The following WDR1 variants were observed in gnomAD, a reference collection of about 807,000 sequenced individuals.
The protein encoded by WDR1 is WD repeat-containing protein 1.
Under a neutral mutation model 71.9 loss-of-function variants are expected in WDR1, and 21 were observed. The ratio of observed to expected loss-of-function variants is 0.29; its 90% confidence interval spans 0.21 to 0.42. WDR1 has a LOEUF of 0.42. Among genes scored for constraint, WDR1 ranks in the 10% least tolerant of loss-of-function variants. WDR1 has a pLI of 1.00. For missense variants in WDR1, 696 were observed against 824.5 expected, an observed-to-expected ratio of 0.84 and a Z score of 1.91; for synonymous variants, 424 against 347.4, an observed-to-expected ratio of 1.22 and a Z score of -2.45.
rs1302829498 is a variant in WDR1, at chr4:10,116,683, C to G, written c.-17G>C. 8 of 1,350,250 alleles carry G rather than the reference C, an allele frequency of 5.9e-6. No individual in the cohort carries two copies. Among genetic ancestry groups the G allele is most frequent in the African/African-American group, 1.5e-5 (1 of 65,970 alleles). The allele number at this position is 1,350,250 out of a possible 1,614,324, so 83.6% of individuals were successfully genotyped here. On this transcript the variant is annotated 5_prime_UTR_variant, in exon 1 of 15. Coordinates refer to ENST00000499869, the MANE Select transcript of WDR1 (RefSeq NM_017491.5). Reference sequence around the variant, plus strand: ...GTACGGCATCCTCGCCCACTTGTTACCGCGCCGCGCTCGCCGAGAGCCTCC... The same window carrying G: ...GTACGGCATCCTCGCCCACTTGTTAGCGCGCCGCGCTCGCCGAGAGCCTCC...
chr4:10,099,409 A>T (rs1712555750), intron 3 of WDR1, among the ~76,000 whole-genome samples: 1 of 152,272 alleles, frequency 6.6e-6, no homozygotes, highest in Non-Finnish European at 1.5e-5. Flanking sequence ...GCCAGAAATC[A>T]TCTGGATAAC....
chr4:10,098,530 T>C (rs748935002), intron 4 of WDR1, among the ~76,000 whole-genome samples: 8 of 152,268 alleles, frequency 5.3e-5, no homozygotes, highest in South Asian at 4.1e-4. Context: ...CTGAGGTCAG[T>C]AGCCACCCAG....
chr4:10,078,036 G>T, intron 12 of WDR1, 110 bp from the exon 13 acceptor site: 1 of 1,302,264 alleles, frequency 7.7e-7, no homozygotes, highest in Non-Finnish European at 1.0e-6. Context: ...CCCACTGACT[G>T]CTGCTCTGCT....
intron 5 of WDR1, among the ~76,000 whole-genome samples, chr4:10,091,165 C>T (rs1049664406): frequency 2.0e-5 from 3 of 152,250 alleles, no homozygotes; most frequent in South Asian, 2.1e-4. Context: ...CAGGACTGGA[C>T]GGTCGTCTCT....
Position 10,109,239 on chromosome 4 carries a change from TG to T in WDR1, c.139-5254del, listed in dbSNP as rs149709718. Among the ~76,000 whole-genome samples the T allele has an allele frequency of 4.9e-3, 745 of 152,348 alleles. 8 individuals carry two copies. Among genetic ancestry groups the T allele is most frequent in the African/African-American group, 0.017 (703 of 41,570 alleles). On this transcript the variant is annotated intron_variant, in intron 2 of 14. Coordinates refer to ENST00000499869, the MANE Select transcript of WDR1 (RefSeq NM_017491.5). Reference sequence around the variant, plus strand: ...AGCTGTTAAGTGGCAGCGCCAGACCTGAACTCAGGGCCAGTTGCTGACTCAC... The same window carrying T: ...AGCTGTTAAGTGGCAGCGCCAGACCTAACTCAGGGCCAGTTGCTGACTCAC...
chr4:10,105,444 T>C (rs1046310652), intron 2 of WDR1, among the ~76,000 whole-genome samples: 2 of 152,220 alleles, frequency 1.3e-5, no homozygotes, highest in African/African-American at 4.8e-5. Context: ...GGATAATCGT[T>C]CGCCAGTGAA....
chr4:10,095,695 C>T (rs189839379), intron 5 of WDR1, among the ~76,000 whole-genome samples: 101 of 152,318 alleles, frequency 6.6e-4, no homozygotes, highest in Non-Finnish European at 1.1e-3. Context: ...GCAGTTGAGT[C>T]CGCACATGTC....
chr4:10,102,854 T>C (rs12640611), intron 3 of WDR1, among the ~76,000 whole-genome samples: 98,165 of 152,028 alleles, frequency 0.65, 32,524 homozygotes, highest in Middle Eastern at 0.77. Context: ...GAGAGGCTGA[T>C]GAGGCCCACA....
In WDR1 at chr4:10,074,536, T is replaced by C. The variant is rs980164789; in HGVS notation, c.*842A>G. The C allele has an allele frequency of 6.6e-6, 1 of 152,600 alleles. No homozygotes were observed. The highest frequency in any genetic ancestry group is 2.4e-5 in the African/African-American group (1 of 41,440). 9.5% of individuals were successfully genotyped at this position (152,600 alleles called of 1,614,324 possible). On this transcript the variant is annotated 3_prime_UTR_variant, in exon 15 of 15. Coordinates refer to ENST00000499869, the MANE Select transcript of WDR1 (RefSeq NM_017491.5). ...AAAAAGAAAAGGAAGGTAAAAACAA[T>C]GACAGATTAGTTTACAGTGACTTCA... is the stretch of plus-strand genomic sequence containing the variant.
In WDR1 at chr4:10,078,151, T is replaced by G. The variant is rs549260493; in HGVS notation, c.1396-225A>C. ...GTACCTCGGGGCACCGCTGGTCTCA[T>G]GAGGCCCTCAAGCTGGCTGGTGGAG... On this transcript the variant is annotated intron_variant, in intron 12 of 14. Transcript: ENST00000499869. Among the ~76,000 whole-genome samples the G allele has an allele frequency of 5.6e-4, 86 of 152,326 alleles. No individual in the cohort carries two copies. In the South Asian group the frequency reaches 0.011, roughly 19 times the overall value.
At chr4:10,116,258 G>A in intron 1 of WDR1, 24 bp from the exon 2 acceptor site, 1 of 1,612,838 alleles carries the variant, frequency 6.2e-7, no homozygotes, top group Non-Finnish European at 8.5e-7. Context: ...AATGCGGCGG[G>A]GCATGTCAGG....
chr4:10,080,271 C>T lies in WDR1; in HGVS notation c.1284+1086G>A, dbSNP rs559620141. 6.6e-5 allele frequency among the ~76,000 whole-genome samples: 10 copies of T among 152,334 alleles called. No individual in the cohort carries two copies. The South Asian group carries it at 1.5e-3, about 22-fold the overall frequency. ...AACCTGGGTCTGGAGACACAGGGCA[C>T]GCTGCCCTAGGCCTCATCCCCTCAC... On this transcript the variant is annotated intron_variant, in intron 11 of 14. Transcript: ENST00000499869.
intron 12 of WDR1, among the ~76,000 whole-genome samples, chr4:10,078,148 T>G (rs1764872951): frequency 6.6e-6 from 1 of 152,192 alleles, no homozygotes; most frequent in Non-Finnish European, 1.5e-5. Flanking sequence ...ACCGCTGGTC[T>G]CATGAGGCCC....
intron 1 of WDR1, 147 bp downstream of exon 1, chr4:10,116,504 A>AG: frequency 1.7e-6 from 1 of 593,334 alleles, no homozygotes; most frequent in East Asian, 1.2e-4. Flanking sequence ...TGCACCACCG[A>AG]GGGCGGCCCC....
Position 10,095,508 on chromosome 4 carries a change from C to G in WDR1, c.558+2203G>C, listed in dbSNP as rs1235570241. On this transcript the variant is annotated intron_variant, in intron 5 of 14. Coordinates refer to ENST00000499869, the MANE Select transcript of WDR1 (RefSeq NM_017491.5). ...CACTCACACCTCCTCTCACTTCCCC[C>G]AGCCTGCACGCGCTCCCTTTGTCTT... Among the ~76,000 whole-genome samples the G allele has an allele frequency of 1.4e-4, 21 of 152,304 alleles. No individual in the cohort carries two copies. The East Asian group carries it at 4.1e-3, about 29-fold the overall frequency.
chr4:10,084,283 TAC>T, intron 9 of WDR1, 158 bp downstream of exon 9: 1 of 635,270 alleles, frequency 1.6e-6, no homozygotes, highest in Non-Finnish European at 2.8e-6. Flanking sequence ...TGTCCCCATG[TAC>T]AGACAGGCCA....
chr4:10,107,185 C>T (rs1713072892), intron 2 of WDR1, among the ~76,000 whole-genome samples: 1 of 152,150 alleles, frequency 6.6e-6, no homozygotes, highest in African/African-American at 2.4e-5. Context: ...GAGTTGCCCA[C>T]TCAGGGACAC....
At chr4:10,082,921 G>T in intron 10 of WDR1, 101 bp downstream of exon 10, 11 of 1,433,262 alleles carry the variant, frequency 7.7e-6, no homozygotes, top group Non-Finnish European at 9.4e-6. Context: ...GATGAAAGGA[G>T]CAAGTGAGGC....
In WDR1 at chr4:10,099,017, C is replaced by T. The variant is rs746428341; in HGVS notation, c.352G>A (p.Ala118Thr). 2 of 1,614,024 alleles carry T rather than the reference C, an allele frequency of 1.2e-6. No individual in the cohort carries two copies. The highest frequency in any genetic ancestry group is 1.7e-6 in the Non-Finnish European group (2 of 1,179,884). The change falls in exon 4 of 15, where the codon GCC (alanine) becomes ACC (threonine). Residue 118 changes from alanine (A) to threonine (T), a missense_variant. Physicochemically the swap from Ala to Thr is moderately conservative, Grantham distance 58. Transcript: ENST00000499869. The stretch of plus-strand genomic sequence containing the variant: ...TTCTCCCTTCCTTCCCCGACCACGG[C>T]GATCCTCTTACTGTCTTCAGTCCAA... ...IAWTEDSKRI[A>T]VVGEGREKFG... is the part of the protein sequence containing the mutation.
Sources: allele counts gnomAD v4.1 joint callset (sites outside exome capture counted in the v4.1 genomes callset), GRCh38; gene constraint gnomAD v4.1.1; transcripts MANE v1.5; gene names NCBI Gene and HGNC (gene_info 2026-07-23, HGNC 2026-07-21).